The following ARHGEF12 variants were observed in gnomAD, a reference collection of about 807,000 sequenced individuals.
The protein encoded by ARHGEF12 is KMT2A/ARHGEF12 fusion protein.
In ARHGEF12, 66 loss-of-function variants were observed where a neutral mutation model predicts 211.2. That is an observed-to-expected ratio of 0.31 (90% CI 0.26 to 0.38). The LOEUF (loss-of-function observed/expected upper bound fraction) is 0.38, where lower values mean the gene tolerates loss of function less well. Ranked by LOEUF, ARHGEF12 falls within the 10% of genes least tolerant of loss-of-function variation. The probability of loss-of-function intolerance (pLI) is 1.00; values close to 1 mark genes in which losing one functional copy is unlikely to be tolerated. For missense variants in ARHGEF12, 1,429 were observed against 1,869.5 expected (o/e 0.76, Z 4.34); for synonymous variants, 592 against 638.4 (o/e 0.93, Z 1.09).
At chr11:120,447,723 C>T (rs957904455) in intron 18 of ARHGEF12, 151 bp from the exon 19 acceptor site, 17 of 540,940 alleles carry the variant, frequency 3.1e-5, no homozygotes, top group Non-Finnish European at 4.2e-5. Context: ...GGCTGAGGCA[C>T]GAGAATCACT....
In ARHGEF12 at chr11:120,487,918, A is replaced by C. The variant is rs1947437375; in HGVS notation, c.*2841A>C. On this transcript the variant is annotated 3_prime_UTR_variant, in exon 41 of 41. Coordinates refer to ENST00000397843, the MANE Select transcript of ARHGEF12 (RefSeq NM_015313.3). ...ATTTTGCATACTTTAAAATCACCTA[A>C]CTTGGACTGCTTGAATTACATTGGC... 1 of 220,298 alleles carries C rather than the reference A, an allele frequency of 4.5e-6. No homozygotes were observed. Among genetic ancestry groups the C allele is most frequent in the Non-Finnish European group, 9.1e-6 (1 of 109,968 alleles). 13.6% of individuals were successfully genotyped at this position (220,298 alleles called of 1,614,324 possible).
chr11:120,454,844 G>A (rs1365746763), intron 22 of ARHGEF12, among the ~76,000 whole-genome samples: 2 of 152,142 alleles, frequency 1.3e-5, no homozygotes, highest in African/African-American at 4.8e-5. Flanking sequence ...AGAGCGAAAA[G>A]GAAGCCCCAA....
intron 22 of ARHGEF12, among the ~76,000 whole-genome samples, chr11:120,454,063 G>C (rs1425916749): frequency 6.6e-6 from 1 of 151,708 alleles, no homozygotes; most frequent in African/African-American, 2.4e-5. Flanking sequence ...CCGCAGTATT[G>C]ATCGCTTGGA....
At chr11:120,365,014 T>A (rs1442700714) in intron 1 of ARHGEF12, among the ~76,000 whole-genome samples, 1 of 152,090 alleles carries the variant, frequency 6.6e-6, no homozygotes, top group East Asian at 1.9e-4. Flanking sequence ...CTCGAACTTC[T>A]GGACTCAAGT....
chr11:120,370,802 C>G (rs1458253216), intron 1 of ARHGEF12, among the ~76,000 whole-genome samples: 1 of 151,968 alleles, frequency 6.6e-6, no homozygotes, highest in African/African-American at 2.4e-5. Flanking sequence ...CTGTTTCTTC[C>G]TTCCCATCCC....
chr11:120,453,779 T>C (rs1158546978), intron 22 of ARHGEF12, among the ~76,000 whole-genome samples: 1 of 152,182 alleles, frequency 6.6e-6, no homozygotes, highest in Admixed American at 6.5e-5. Flanking sequence ...GCCCACAATT[T>C]GTTTAAACAG....
chr11:120,473,016 C>T, intron 30 of ARHGEF12, 34 bp from the exon 31 acceptor site: 2 of 1,589,054 alleles, frequency 1.3e-6, no homozygotes, highest in Non-Finnish European at 1.7e-6. Flanking sequence ...ATGACCAAAG[C>T]ACTAACCTTG....
At chr11:120,382,686 C>G (rs1385051035) in intron 1 of ARHGEF12, among the ~76,000 whole-genome samples, 1 of 152,182 alleles carries the variant, frequency 6.6e-6, no homozygotes, top group Admixed American at 6.5e-5. Context: ...CTATTTCTCT[C>G]TCTCTCTCAT....
At chr11:120,412,551 G>C (rs1944916712) in intron 4 of ARHGEF12, among the ~76,000 whole-genome samples, 1 of 152,112 alleles carries the variant, frequency 6.6e-6, no homozygotes, top group Non-Finnish European at 1.5e-5. Context: ...TAGTTTCTAT[G>C]ATATTACATC....
At chr11:120,457,924 G>A in intron 24 of ARHGEF12, 156 bp from the exon 25 acceptor site, 3 of 1,138,248 alleles carry the variant, frequency 2.6e-6, no homozygotes, top group Non-Finnish European at 3.7e-6. Context: ...GTATTTTGAA[G>A]TATGTATAAA....
chr11:120,427,631 C>T (rs185718588), intron 7 of ARHGEF12, among the ~76,000 whole-genome samples: 14 of 150,340 alleles, frequency 9.3e-5, no homozygotes, highest in African/African-American at 2.9e-4. Context: ...GAGATCGTGC[C>T]GCGGCACTCC....
intron 38 of ARHGEF12, among the ~76,000 whole-genome samples, chr11:120,480,781 A>G (rs1182954177): frequency 6.6e-6 from 1 of 152,198 alleles, no homozygotes; most frequent in African/African-American, 2.4e-5. Flanking sequence ...AAACAGGGTG[A>G]TCAGGGATTA....
rs1423134817 is a variant in ARHGEF12, at chr11:120,488,591, A to T, written c.*3514A>T. ...TTTGATAATAAATTGGTAGGAAAAA[A>T]AAGTACCTCCTAGAAGGAAGCCTTC... On this transcript the variant is annotated 3_prime_UTR_variant, in exon 41 of 41. Transcript: ENST00000397843. 1 of 219,420 alleles carries T rather than the reference A, an allele frequency of 4.6e-6. No homozygotes were observed. Among genetic ancestry groups the T allele is most frequent in the Non-Finnish European group, 9.1e-6 (1 of 109,302 alleles). The allele number at this position is 219,420 out of a possible 1,614,324, so 13.6% of individuals were successfully genotyped here.
chr11:120,488,475 C>T lies in ARHGEF12; in HGVS notation c.*3398C>T, dbSNP rs1011173560. On this transcript the variant is annotated 3_prime_UTR_variant, in exon 41 of 41. Coordinates refer to ENST00000397843, the MANE Select transcript of ARHGEF12 (RefSeq NM_015313.3). Reference sequence around the variant, plus strand: ...CATTTTTTTCCTGATATTTCCACCACTTTTCAGAGTCATCTACAAAATTTT... The same window carrying T: ...CATTTTTTTCCTGATATTTCCACCATTTTTCAGAGTCATCTACAAAATTTT... The T allele has an allele frequency of 1.1e-4, 24 of 216,798 alleles. No individual in the cohort carries two copies. In the East Asian group the frequency reaches 1.4e-3, roughly 13 times the overall value. The allele number at this position is 216,798 out of a possible 1,614,324, so 13.4% of individuals were successfully genotyped here.
chr11:120,413,628 C>G (rs116874792), intron 4 of ARHGEF12, among the ~76,000 whole-genome samples: 86 of 152,314 alleles, frequency 5.6e-4, no homozygotes, highest in Non-Finnish European at 1.1e-3. Context: ...TAAGGCTCTT[C>G]TTGCTGGCAA....
At chr11:120,343,181 T>G (rs1050163942) in intron 1 of ARHGEF12, among the ~76,000 whole-genome samples, 3 of 152,254 alleles carry the variant, frequency 2.0e-5, no homozygotes, top group African/African-American at 7.2e-5. Context: ...ATTTAGATTA[T>G]TATAAAATCT....
At chr11:120,359,203 C>T (rs1203314523) in intron 1 of ARHGEF12, among the ~76,000 whole-genome samples, 3 of 151,982 alleles carry the variant, frequency 2.0e-5, no homozygotes, top group Non-Finnish European at 4.4e-5. Context: ...TATACAAGGG[C>T]ATGAATACCA....
At chr11:120,350,983 A>T (rs528953585) in intron 1 of ARHGEF12, among the ~76,000 whole-genome samples, 25 of 152,194 alleles carry the variant, frequency 1.6e-4, no homozygotes, top group Non-Finnish European at 2.8e-4. Flanking sequence ...AATCATGATT[A>T]CTTGTTGCTC....
At chr11:120,431,639 T>G (rs1002211396) in intron 10 of ARHGEF12, 132 bp from the exon 11 acceptor site, 19 of 905,238 alleles carry the variant, frequency 2.1e-5, no homozygotes, top group Non-Finnish European at 2.9e-5. Flanking sequence ...TAAACATACT[T>G]GAGCATATCA....
Sources: gnomAD v4.1 joint callset for allele counts (sites outside exome capture counted in the v4.1 genomes callset) on GRCh38, gnomAD v4.1.1 for gene constraint, MANE v1.5 for transcripts, NCBI Gene and HGNC (gene_info 2026-07-23, HGNC 2026-07-21) for gene names.